BNIP2: variants seen among roughly 807,000 people sequenced by gnomAD.
The protein encoded by BNIP2 is BCL2/adenovirus E1B 19 kDa protein-interacting protein 2.
Under a neutral mutation model 43.4 loss-of-function variants are expected in BNIP2, and 36 were observed. That is an observed-to-expected ratio of 0.83 (90% CI 0.64 to 1.10). The LOEUF (loss-of-function observed/expected upper bound fraction) is 1.10. Among genes scored for constraint, BNIP2 ranks in the 50% least tolerant of loss-of-function variants. The pLI is 0.00. For synonymous variants in BNIP2, 146 were observed against 121.0 expected, an observed-to-expected ratio of 1.21 and a Z score of -1.35; for missense variants, 417 against 374.1, an observed-to-expected ratio of 1.11 and a Z score of -0.95.
At chr15:59,679,333 A>C in intron 4 of BNIP2, 1 of 307,894 alleles carries the variant, frequency 3.2e-6, no homozygotes. Flanking sequence ...TTGATTGACT[A>C]AAAAAGAGCA....
intron 2 of BNIP2, among the ~76,000 whole-genome samples, chr15:59,680,631 G>A (rs1439751019): frequency 6.6e-6 from 1 of 152,016 alleles, no homozygotes; most frequent in Non-Finnish European, 1.5e-5. Flanking sequence ...GAACTTTTGG[G>A]CTCAAACGAT....
intron 1 of BNIP2, 21 bp downstream of exon 1, chr15:59,689,114 G>A: frequency 6.5e-7 from 1 of 1,530,866 alleles, no homozygotes; most frequent in Non-Finnish European, 8.7e-7. Flanking sequence ...ACCGTGCCGA[G>A]TTCTCCCAGG....
At chr15:59,673,648 C>A (rs969646251) in intron 5 of BNIP2, among the ~76,000 whole-genome samples, 1 of 152,098 alleles carries the variant, frequency 6.6e-6, no homozygotes. Flanking sequence ...TCAGACTGGT[C>A]GTGAACTCCT....
In BNIP2 at chr15:59,662,370, T is replaced by A. The variant is rs6151586; in HGVS notation, c.*1699A>T. The A allele has an allele frequency of 0.31, 47,448 of 152,186 alleles. 8,346 individuals carry two copies. The highest frequency in any genetic ancestry group is 0.58 in the East Asian group (3,024 of 5,182). The allele number at this position is 152,186 out of a possible 1,614,324, so 9.4% of individuals were successfully genotyped here. ...TTCAACAACAAGTGTTCCTAAAATG[T>A]GAGCAAGCAATAATCGTTTTGGCTC... On this transcript the variant is annotated 3_prime_UTR_variant, in exon 10 of 10. Transcript: ENST00000607373.
chr15:59,665,176 A>G (rs1035906852), intron 9 of BNIP2, among the ~76,000 whole-genome samples: 1 of 152,038 alleles, frequency 6.6e-6, no homozygotes, highest in Non-Finnish European at 1.5e-5. Flanking sequence ...AGGTAGGAGA[A>G]CCGCTTGAAC....
chr15:59,678,430 T>C, intron 4 of BNIP2: 3 of 1,075,440 alleles, frequency 2.8e-6, no homozygotes, highest in Non-Finnish European at 3.4e-6. Context: ...TGTGACAATA[T>C]TCTCCCTGGC....
At chr15:59,666,975 A>G (rs1268397459) in intron 9 of BNIP2, among the ~76,000 whole-genome samples, 1 of 152,240 alleles carries the variant, frequency 6.6e-6, no homozygotes, top group Non-Finnish European at 1.5e-5. Flanking sequence ...TATTTTATCA[A>G]CAAAGGCAAT....
chr15:59,666,951 G>A (rs1892605437), intron 9 of BNIP2, among the ~76,000 whole-genome samples: 1 of 151,960 alleles, frequency 6.6e-6, no homozygotes, highest in African/African-American at 2.4e-5. Context: ...TTTTTAAAAA[G>A]GCTTAATACA....
intron 7 of BNIP2, among the ~76,000 whole-genome samples, chr15:59,670,845 G>A (rs1273481082): frequency 2.0e-5 from 3 of 152,066 alleles, no homozygotes; most frequent in East Asian, 1.9e-4. Flanking sequence ...AGGCCGAGGC[G>A]GGTGGATCAC....
intron 9 of BNIP2, 133 bp downstream of exon 9, chr15:59,668,759 C>CAT: frequency 3.9e-6 from 2 of 514,902 alleles, no homozygotes; most frequent in South Asian, 8.5e-5. Flanking sequence ...TTCTTTGTTA[C>CAT]ACACACACAC....
intron 1 of BNIP2, among the ~76,000 whole-genome samples, chr15:59,686,808 G>T (rs1304376017): frequency 6.6e-6 from 1 of 152,132 alleles, no homozygotes; most frequent in Non-Finnish European, 1.5e-5. Flanking sequence ...CCTGACGTCA[G>T]GAGTTCAAGA....
intron 4 of BNIP2, chr15:59,678,391 G>A: frequency 3.6e-6 from 4 of 1,095,978 alleles, no homozygotes; most frequent in Non-Finnish European, 4.5e-6. Context: ...TTAGTACACT[G>A]GCCTTACAAT....
chr15:59,668,693 C>A, intron 9 of BNIP2, 199 bp downstream of exon 9: 1 of 492,238 alleles, frequency 2.0e-6, no homozygotes, highest in Non-Finnish European at 3.6e-6. Context: ...CAACTGACAG[C>A]CTGAAGAAAA....
intron 5 of BNIP2, among the ~76,000 whole-genome samples, chr15:59,674,244 T>C (rs1375947677): frequency 6.7e-6 from 1 of 149,136 alleles, no homozygotes; most frequent in Non-Finnish European, 1.5e-5. Context: ...TGCTTTAACC[T>C]TCATTTCTAT....
intron 1 of BNIP2, among the ~76,000 whole-genome samples, chr15:59,684,638 T>A (rs553069896): frequency 6.6e-6 from 1 of 152,346 alleles, no homozygotes; most frequent in South Asian, 2.1e-4. Context: ...ATTTACTGTA[T>A]TTCCCAATGT....
intron 2 of BNIP2, 53 bp from the exon 3 acceptor site, chr15:59,680,361 T>C: frequency 7.1e-7 from 1 of 1,402,656 alleles, no homozygotes; most frequent in South Asian, 1.3e-5. Context: ...GAATTTTTTT[T>C]TGAAGTTCAA....
At chr15:59,682,975 T>A (rs1205749203) in intron 1 of BNIP2, among the ~76,000 whole-genome samples, 5 of 152,226 alleles carry the variant, frequency 3.3e-5, no homozygotes, top group Admixed American at 1.3e-4. Flanking sequence ...GGTGGTGTGC[T>A]GTCTTTCATA....
At chr15:59,664,207 T>C in intron 9 of BNIP2, 87 bp from the exon 10 acceptor site, 1 of 858,602 alleles carries the variant, frequency 1.2e-6, no homozygotes, top group Non-Finnish European at 1.7e-6. Flanking sequence ...CATAGAATAT[T>C]ACTCTGTTAA....
At chr15:59,672,057 C>A (rs1892965924) in intron 6 of BNIP2, among the ~76,000 whole-genome samples, 1 of 152,128 alleles carries the variant, frequency 6.6e-6, no homozygotes, top group East Asian at 1.9e-4. Context: ...GCCTGGGTGA[C>A]AGAGTGAAAC....
Sources: allele counts gnomAD v4.1 joint callset (sites outside exome capture counted in the v4.1 genomes callset), GRCh38; gene constraint gnomAD v4.1.1; transcripts MANE v1.5; gene names NCBI Gene and HGNC (gene_info 2026-07-23, HGNC 2026-07-21).